The following SV2C variants were observed in gnomAD, a reference collection of about 807,000 sequenced individuals.
The protein encoded by SV2C is synaptic vesicle glycoprotein 2C, also known as solute carrier family 22 member B3.
SV2C carries 49 observed loss-of-function variants against 79.7 expected under a neutral mutation model. The observed-to-expected ratio is 0.61, with a 90% CI of 0.49 to 0.78. The LOEUF is 0.78. Ranked by LOEUF, SV2C falls within the 30% of genes least tolerant of loss-of-function variation. The pLI is 0.00. For missense variants in SV2C, 833 were observed against 912.9 expected, an observed-to-expected ratio of 0.91 and a Z score of 1.13; for synonymous variants, 334 against 333.2, an observed-to-expected ratio of 1.00 and a Z score of -0.03.
chr5:76,258,069 G>C (rs974005142), intron 4 of SV2C, among the ~76,000 whole-genome samples: 1 of 143,698 alleles, frequency 7.0e-6, no homozygotes, highest in Non-Finnish European at 1.5e-5. Flanking sequence ...TGTTTATGTA[G>C]TATGGGGGGT....
chr5:75,904,983 G>T, the SV2C span, among the ~76,000 whole-genome samples: 3,522 of 152,284 alleles, frequency 0.023, 123 homozygotes, highest in African/African-American at 0.081. Flanking sequence ...AATGATTGGA[G>T]ATAATCCAAC....
At chr5:76,226,072 C>G (rs10036293) in intron 4 of SV2C, among the ~76,000 whole-genome samples, 97,794 of 152,008 alleles carry the variant, frequency 0.64, 31,887 homozygotes, top group African/African-American at 0.72. Flanking sequence ...CTCAAATACT[C>G]TAATGGATCT....
chr5:76,022,601 G>A, the SV2C span, among the ~76,000 whole-genome samples: 15 of 152,096 alleles, frequency 9.9e-5, no homozygotes, highest in African/African-American at 1.9e-4. Flanking sequence ...TACCGGATGC[G>A]GTAACAGGGA....
At chr5:76,204,568 G>A (rs1174233186) in intron 3 of SV2C, among the ~76,000 whole-genome samples, 1 of 152,132 alleles carries the variant, frequency 6.6e-6, no homozygotes, top group Non-Finnish European at 1.5e-5. Context: ...AAGTTAGAAT[G>A]AATTATTCTT....
At chr5:75,944,915 TA>T in the SV2C span, among the ~76,000 whole-genome samples, 17 of 151,862 alleles carry the variant, frequency 1.1e-4, no homozygotes, top group African/African-American at 3.6e-4. Context: ...CTGTCTTGGC[TA>T]AAAAAACTGG....
At chr5:75,901,955 G>T in the SV2C span, among the ~76,000 whole-genome samples, 188 of 152,308 alleles carry the variant, frequency 1.2e-3, 2 homozygotes, top group African/African-American at 4.3e-3. Context: ...CGCAGTATTC[G>T]GGTGGGAGTG....
chr5:76,213,426 A>C (rs1348933613), intron 4 of SV2C, among the ~76,000 whole-genome samples: 1 of 152,152 alleles, frequency 6.6e-6, no homozygotes, highest in Non-Finnish European at 1.5e-5. Flanking sequence ...TGAGTGCTTA[A>C]TATTTGTGCA....
At chr5:75,991,672 T>C in the SV2C span, among the ~76,000 whole-genome samples, 5 of 149,446 alleles carry the variant, frequency 3.3e-5, no homozygotes, top group Non-Finnish European at 5.9e-5. Flanking sequence ...CAGATATATA[T>C]ATAGATATAT....
At chr5:75,940,096 C>T in the SV2C span, among the ~76,000 whole-genome samples, 7 of 152,140 alleles carry the variant, frequency 4.6e-5, no homozygotes, top group South Asian at 2.1e-4. Context: ...CTTTTTAATC[C>T]GTGTAATTCC....
chr5:76,251,444 C>G (rs1217720360), intron 4 of SV2C, among the ~76,000 whole-genome samples: 1 of 152,126 alleles, frequency 6.6e-6, no homozygotes, highest in Non-Finnish European at 1.5e-5. Context: ...CCTAGCTACT[C>G]AGGAGGCTGA....
At chr5:75,906,996 C>T in the SV2C span, among the ~76,000 whole-genome samples, 2,521 of 152,326 alleles carry the variant, frequency 0.017, 36 homozygotes, top group African/African-American at 0.043. Flanking sequence ...TTGAGAAACT[C>T]TGTCTTAGAA....
the SV2C span, among the ~76,000 whole-genome samples, chr5:76,032,948 T>G: frequency 1.2e-4 from 19 of 152,312 alleles, no homozygotes; most frequent in South Asian, 1.9e-3. Flanking sequence ...TCTAACTGGT[T>G]TGAGATGGTA....
At chr5:76,310,115 G>A (rs900145399) in intron 12 of SV2C, among the ~76,000 whole-genome samples, 9 of 152,148 alleles carry the variant, frequency 5.9e-5, no homozygotes, top group African/African-American at 2.2e-4. Context: ...TTGGGAGACA[G>A]CAGTGAACAA....
At chr5:75,881,728 T>A in the SV2C span, among the ~76,000 whole-genome samples, 2 of 151,912 alleles carry the variant, frequency 1.3e-5, no homozygotes, top group African/African-American at 4.8e-5. Flanking sequence ...AGATATACAA[T>A]CATGTCATCT....
chr5:76,105,802 C>T (rs1747890755), intron 1 of SV2C, among the ~76,000 whole-genome samples: 1 of 152,124 alleles, frequency 6.6e-6, no homozygotes, highest in Non-Finnish European at 1.5e-5. Context: ...CTTCCTCCTG[C>T]CACCTAGGTA....
At chr5:75,880,094 G>T in the SV2C span, among the ~76,000 whole-genome samples, 1 of 152,168 alleles carries the variant, frequency 6.6e-6, no homozygotes, top group African/African-American at 2.4e-5. Flanking sequence ...CAGGGCTTTG[G>T]CCCTGGCCCA....
At chr5:75,948,470 A>G in the SV2C span, among the ~76,000 whole-genome samples, 1 of 152,116 alleles carries the variant, frequency 6.6e-6, no homozygotes, top group Non-Finnish European at 1.5e-5. Flanking sequence ...ATAGCAGGAA[A>G]GAGACAAGAA....
intron 2 of SV2C, among the ~76,000 whole-genome samples, chr5:76,183,627 C>T (rs148136217): frequency 6.6e-6 from 1 of 152,118 alleles, no homozygotes; most frequent in African/African-American, 2.4e-5. Flanking sequence ...GGATAAAGCT[C>T]AACTCCTTGT....
intron 12 of SV2C, among the ~76,000 whole-genome samples, chr5:76,324,540 G>A (rs1289468032): frequency 6.6e-6 from 1 of 151,982 alleles, no homozygotes; most frequent in Non-Finnish European, 1.5e-5. Flanking sequence ...GAGGATTAAA[G>A]TTTGTTTTAA....
Sources: allele counts gnomAD v4.1 joint callset (sites outside exome capture counted in the v4.1 genomes callset), GRCh38; gene constraint gnomAD v4.1.1; transcripts MANE v1.5; gene names NCBI Gene and HGNC (gene_info 2026-07-23, HGNC 2026-07-21).